The following CLASRP variants were observed in gnomAD, a reference collection of about 807,000 sequenced individuals.
CLASRP encodes CLK4-associating serine/arginine rich protein.
A neutral mutation model predicts 99.9 loss-of-function variants in CLASRP; 52 were observed. The ratio of observed to expected loss-of-function variants is 0.52; its 90% CI spans 0.42 to 0.66. The LOEUF (loss-of-function observed/expected upper bound fraction) is 0.66, where lower values mean the gene tolerates loss of function less well. Among genes scored for constraint, CLASRP ranks in the 30% least tolerant of loss-of-function variants. The probability of loss-of-function intolerance (pLI) is 0.00; values close to 1 mark genes in which losing one functional copy is unlikely to be tolerated. For missense variants in CLASRP, 848 were observed against 999.2 expected (o/e 0.85, Z 2.04); for synonymous variants, 379 against 373.0 (o/e 1.02, Z -0.18).
In CLASRP at chr19:45,060,981, T is replaced by C. The variant is rs1197208183; in HGVS notation, c.863+354T>C. Among the ~76,000 whole-genome samples, 4 of 152,220 alleles carry C rather than the reference T, an allele frequency of 2.6e-5. No individual in the cohort carries two copies. Among genetic ancestry groups the C allele is most frequent in the Non-Finnish European group, 4.4e-5 (3 of 68,044 alleles). ...CTTGGCTTCTTCCTGTGTCGGAGTT[T>C]GGACAAGTGACTTCCCGAACTCTCT... On this transcript the variant is annotated intron_variant, in intron 10 of 20. Coordinates refer to ENST00000221455, the MANE Select transcript of CLASRP (RefSeq NM_007056.3). This position sits in a 1 kb window ranked among gnomAD's most constrained non-coding sequence, Gnocchi z 4.6.
intron 2 of CLASRP, among the ~76,000 whole-genome samples, chr19:45,045,366 A>T (rs1971896451): frequency 6.6e-6 from 1 of 152,054 alleles, no homozygotes; most frequent in African/African-American, 2.4e-5. Context: ...AATATACAAA[A>T]ATTAGCCGGG....
chr19:45,059,500 C>G, intron 8 of CLASRP, 136 bp downstream of exon 8: 2 of 730,010 alleles, frequency 2.7e-6, no homozygotes, highest in Non-Finnish European at 4.6e-6. Flanking sequence ...TTTACACATG[C>G]AGGTCCCTGA....
rs765527653 is a variant in CLASRP at position 45,067,372 on chromosome 19, G to T, written c.1445G>T (p.Gly482Val). 1 of 1,527,680 alleles carries T rather than the reference G, an allele frequency of 6.5e-7. No homozygotes were observed. Among genetic ancestry groups the T allele is most frequent in the South Asian group, 1.2e-5 (1 of 82,536 alleles). 94.6% of individuals were successfully genotyped at this position (1,527,680 alleles called of 1,614,324 possible). A position where few individuals can be genotyped will look rare whatever the true frequency, so the allele number is the denominator to read the frequency against. The change falls in exon 14 of 21, where the codon GGC becomes GTC. Residue 482 changes from glycine to valine, a missense_variant. Transcript: ENST00000221455. The surrounding 1 kb of genome is among the most constrained non-coding windows in gnomAD (Gnocchi z 4.9). Reference sequence around the variant, plus strand: ...CACTCAGGGGACCGCTACAGGCGGGGCGGCCGGGGCCTCAGGCACCACAGC... The same window carrying T: ...CACTCAGGGGACCGCTACAGGCGGGTCGGCCGGGGCCTCAGGCACCACAGC... Reference protein sequence around the residue: ...RSHSGDRYRRGGRGLRHHSSS... With the variant: ...RSHSGDRYRRVGRGLRHHSSS...
rs550236326 is a variant in CLASRP at position 45,060,885 on chromosome 19, C to T, written c.863+258C>T. On this transcript the variant is annotated intron_variant, in intron 10 of 20. Transcript: ENST00000221455. The surrounding 1 kb of genome is among the most constrained non-coding windows in gnomAD (Gnocchi z 4.6). The stretch of plus-strand genomic sequence containing the variant: ...AGACTCCCAGGAGCCCATGCACAGG[C>T]GGCATAAGGCTCTCACCAAGGCGGC... 2.0e-5 allele frequency among the ~76,000 whole-genome samples: 3 copies of T among 152,306 alleles called. No individual in the cohort carries two copies. The highest frequency in any genetic ancestry group is 6.5e-5 in the Admixed American group (1 of 15,304).
intron 2 of CLASRP, among the ~76,000 whole-genome samples, chr19:45,050,551 G>A (rs561445997): frequency 6.6e-6 from 1 of 152,102 alleles, no homozygotes; most frequent in East Asian, 2.0e-4. Flanking sequence ...GGGCATGGTG[G>A]CGCATGCCTG....
At chr19:45,068,359 G>A in intron 15 of CLASRP, 61 bp from the exon 16 acceptor site, 1 of 877,184 alleles carries the variant, frequency 1.1e-6, no homozygotes, top group African/African-American at 1.7e-5. Flanking sequence ...TTTGGCTGAG[G>A]TGGGTTGTGG....
chr19:45,056,322 G>T (rs1408129568), intron 5 of CLASRP, 128 bp from the exon 6 acceptor site: 3 of 737,522 alleles, frequency 4.1e-6, no homozygotes, highest in Non-Finnish European at 7.2e-6. Context: ...TTATCTGGAA[G>T]TGGTGACTGC....
At chr19:45,068,240 G>GCTC (rs1967139290) in intron 15 of CLASRP, 180 bp from the exon 16 acceptor site, 1 of 664,764 alleles carries the variant, frequency 1.5e-6, no homozygotes, top group African/African-American at 1.8e-5. Flanking sequence ...GTACACTGGG[G>GCTC]CTCCACCTGT....
At chr19:45,058,679 T>C (rs1183403957) in intron 7 of CLASRP, among the ~76,000 whole-genome samples, 2 of 151,984 alleles carry the variant, frequency 1.3e-5, no homozygotes, top group Non-Finnish European at 2.9e-5. Context: ...GCCACCGCGC[T>C]CAGCCCAGTA....
At chr19:45,050,589 C>T (rs1183314689) in intron 2 of CLASRP, among the ~76,000 whole-genome samples, 1 of 152,094 alleles carries the variant, frequency 6.6e-6, no homozygotes, top group East Asian at 2.0e-4. Flanking sequence ...GAGGCTGAGG[C>T]AGGAGAATCG....
intron 2 of CLASRP, among the ~76,000 whole-genome samples, chr19:45,049,952 C>T (rs1186772643): frequency 1.3e-5 from 2 of 152,076 alleles, no homozygotes; most frequent in East Asian, 1.9e-4. Context: ...CTCAATAAAG[C>T]CACAGAGTGA....
chr19:45,058,434 G>A (rs1038132253), intron 7 of CLASRP, among the ~76,000 whole-genome samples: 2 of 151,990 alleles, frequency 1.3e-5, no homozygotes, highest in Admixed American at 1.3e-4. Flanking sequence ...TTACCGGGCT[G>A]GAGTGCAGTG....
At chr19:45,070,634 T>C (rs1600121362) in intron 20 of CLASRP, 73 bp downstream of exon 20, 1 of 1,441,990 alleles carries the variant, frequency 6.9e-7, no homozygotes, top group South Asian at 1.1e-5. Context: ...TGGCTGTCAT[T>C]CCTCCAGCCT....
At chr19:45,046,159 G>T (rs1323370774) in intron 2 of CLASRP, among the ~76,000 whole-genome samples, 1 of 152,160 alleles carries the variant, frequency 6.6e-6, no homozygotes, top group Non-Finnish European at 1.5e-5. Flanking sequence ...TTGAGGAGGG[G>T]ACTCTCATCT....
intron 10 of CLASRP, 72 bp from the exon 11 acceptor site, chr19:45,062,081 CG>C: frequency 1.1e-6 from 1 of 921,436 alleles, no homozygotes; most frequent in Non-Finnish European, 1.8e-6. Flanking sequence ...CTCAGGTTGG[CG>C]GGCTTATCCC....
Position 45,060,493 on chromosome 19 carries a change from G to C in CLASRP, c.789+26G>C, listed in dbSNP as rs1190920917. The C allele has an allele frequency of 1.6e-5, 26 of 1,613,716 alleles. No homozygotes were observed. The highest frequency in any genetic ancestry group is 2.2e-5 in the Non-Finnish European group (26 of 1,179,736). On this transcript the variant is annotated intron_variant, in intron 9 of 20. Transcript: ENST00000221455. The surrounding 1 kb of genome is among the most constrained non-coding windows in gnomAD (Gnocchi z 4.6). ...GTGAGGTCTGGGCTGGAGTGGAAGG[G>C]GACAGGGGTGTGTCACAGGGAGGGC...
rs1271057554 is a variant in CLASRP at position 45,069,102 on chromosome 19, T to C, written c.1805T>C (p.Ile602Thr). 1.9e-6 allele frequency: 3 copies of C among 1,613,700 alleles called. No individual in the cohort carries two copies. Among genetic ancestry groups the C allele is most frequent in the Non-Finnish European group, 2.5e-6 (3 of 1,179,832 alleles). ...AAGAAGGCGGCACAAGAAAAGATGA[T>C]CCAGCAGGAGCATGAGCGGCAGGTG... ...ADKKAAQEKM[I>T]QQEHERQERE... Residue 602 changes from isoleucine (I) to threonine (T), a missense_variant, in exon 17 of 21, where the codon ATC becomes ACC. Physicochemically the swap from Ile to Thr is moderately conservative, Grantham distance 89. Transcript: ENST00000221455.
chr19:45,060,241 G>A lies in CLASRP; in HGVS notation c.711-148G>A, dbSNP rs1326990979. On this transcript the variant is annotated intron_variant, in intron 8 of 20. Coordinates refer to ENST00000221455, the MANE Select transcript of CLASRP (RefSeq NM_007056.3). This position sits in a 1 kb window ranked among gnomAD's most constrained non-coding sequence, Gnocchi z 4.6. ...CTAAGATAGCACCTGGCACACAGAG[G>A]GTGCTTGATAAGTGGCATTGAATGA... is the stretch of plus-strand genomic sequence containing the variant. 3.0e-6 allele frequency: 2 copies of A among 673,740 alleles called. No homozygotes were observed. The highest frequency in any genetic ancestry group is 2.3e-5 in the Admixed American group (1 of 42,866). 41.7% of individuals were successfully genotyped at this position (673,740 alleles called of 1,614,324 possible). A position where few individuals can be genotyped will look rare whatever the true frequency, so the allele number is the denominator to read the frequency against.
At chr19:45,058,113 TA>T (rs1972156313) in intron 7 of CLASRP, 1 of 606,686 alleles carries the variant, frequency 1.6e-6, no homozygotes, top group Non-Finnish European at 2.9e-6. Flanking sequence ...TCTAGGGTGC[TA>T]TTTCTATGAT....
Sources: allele counts gnomAD v4.1 joint callset (sites outside exome capture counted in the v4.1 genomes callset), GRCh38; gene constraint gnomAD v4.1.1; non-coding constraint Gnocchi (gnomAD v3.1); transcripts MANE v1.5; gene names NCBI Gene and HGNC (gene_info 2026-07-23, HGNC 2026-07-21).